XRN2: variants seen among roughly 807,000 people sequenced by gnomAD.
XRN2 encodes the protein DHM1-like protein.
In XRN2, 44 loss-of-function variants were observed where a neutral mutation model predicts 138.5. That is an observed-to-expected ratio of 0.32 (90% CI 0.25 to 0.41). The LOEUF is 0.41. Ranked by LOEUF, XRN2 falls within the 10% of genes least tolerant of loss-of-function variation. XRN2 has a pLI of 1.00. For synonymous variants in XRN2, 354 were observed against 369.4 expected (o/e 0.96, Z 0.48); for missense variants, 937 against 1,169.3 (o/e 0.80, Z 2.90).
At position 21,352,551 on chromosome 20, in the gene XRN2, G is replaced by A. The variant is rs192002519; in HGVS notation, c.1937-2238G>A. On this transcript the variant is annotated intron_variant, in intron 20 of 29. Coordinates refer to ENST00000377191, the MANE Select transcript of XRN2 (RefSeq NM_012255.5). ...TCACCATGTTGGCCAGGCTGGTCTCGAACTCCTGACCTCAGGTGATCCGCC... is the reference window on the plus strand; with the variant it reads ...TCACCATGTTGGCCAGGCTGGTCTCAAACTCCTGACCTCAGGTGATCCGCC... Among the ~76,000 whole-genome samples, 65 of 152,082 alleles carry A rather than the reference G, an allele frequency of 4.3e-4. No homozygotes were observed. The East Asian group carries it at 6.6e-3, about 15-fold the overall frequency.
intron 24 of XRN2, among the ~76,000 whole-genome samples, chr20:21,361,430 A>G (rs1390626911): frequency 3.3e-5 from 5 of 152,222 alleles, no homozygotes; most frequent in Non-Finnish European, 7.3e-5. Flanking sequence ...GAAAAAGTGG[A>G]TGAAAATACT....
intron 20 of XRN2, among the ~76,000 whole-genome samples, chr20:21,353,231 T>G (rs1402871243): frequency 4.8e-5 from 1 of 21,018 alleles, no homozygotes. Context: ...AGGATATATA[T>G]ATATATATAT....
At chr20:21,388,830 A>G (rs950126743) in intron 29 of XRN2, among the ~76,000 whole-genome samples, 3 of 152,200 alleles carry the variant, frequency 2.0e-5, no homozygotes, top group Non-Finnish European at 4.4e-5. Context: ...CCTAAAATCA[A>G]TTGCTCATTT....
chr20:21,382,827 AG>A (rs1462982694), intron 28 of XRN2, among the ~76,000 whole-genome samples: 3 of 152,238 alleles, frequency 2.0e-5, no homozygotes, highest in Non-Finnish European at 2.9e-5. Context: ...TAATTTTTAA[AG>A]GCCAGCTTTA....
chr20:21,356,507 G>C, intron 22 of XRN2, 79 bp from the exon 23 acceptor site: 1 of 1,304,814 alleles, frequency 7.7e-7, no homozygotes. Flanking sequence ...GAATGATGCT[G>C]CTATGAACAC....
intron 27 of XRN2, among the ~76,000 whole-genome samples, chr20:21,373,331 A>T (rs1343686396): frequency 6.6e-6 from 1 of 152,196 alleles, no homozygotes; most frequent in Non-Finnish European, 1.5e-5. Flanking sequence ...CATTGCTTAT[A>T]GTGTTAAATC....
intron 16 of XRN2, among the ~76,000 whole-genome samples, chr20:21,345,950 A>G (rs1024942199): frequency 2.0e-5 from 3 of 152,042 alleles, no homozygotes; most frequent in Non-Finnish European, 2.9e-5. Flanking sequence ...ATTTTTTTAC[A>G]TTTAAAAAAG....
intron 1 of XRN2, among the ~76,000 whole-genome samples, chr20:21,313,507 TCA>T (rs1291352553): frequency 1.3e-5 from 2 of 152,250 alleles, no homozygotes; most frequent in African/African-American, 2.4e-5. Flanking sequence ...TATGTATGTA[TCA>T]CAGAGGGTGG....
At chr20:21,384,342 G>A (rs1041253359) in intron 28 of XRN2, among the ~76,000 whole-genome samples, 46 of 152,054 alleles carry the variant, frequency 3.0e-4, no homozygotes, top group Non-Finnish European at 1.2e-4. Context: ...ATAAAACTCC[G>A]ATTTTACCAT....
rs2038781370 is a variant in XRN2, at chr20:21,373,122, G to A, written c.2584+4532G>A. ...CCACCTTTTAGGTTCAAGCAGTTCT[G>A]CCTCAGCCTCCTGTGTAGCTGGGAT... On this transcript the variant is annotated intron_variant, in intron 27 of 29. Transcript: ENST00000377191. Among the ~76,000 whole-genome samples the A allele has an allele frequency of 2.6e-5, 4 of 152,052 alleles. No individual in the cohort carries two copies. In the South Asian group the frequency reaches 8.3e-4, roughly 31 times the overall value.
chr20:21,349,853 A>G (rs2038484266), intron 20 of XRN2, among the ~76,000 whole-genome samples: 1 of 152,238 alleles, frequency 6.6e-6, no homozygotes, highest in Non-Finnish European at 1.5e-5. Flanking sequence ...GATTAATAGT[A>G]AATTTAATTA....
At chr20:21,387,118 T>C (rs2038944973) in intron 29 of XRN2, 112 bp downstream of exon 29, 1 of 1,412,802 alleles carries the variant, frequency 7.1e-7, no homozygotes, top group African/African-American at 1.4e-5. Flanking sequence ...TAGAGTAGCT[T>C]AGAGTAGCTT....
intron 1 of XRN2, chr20:21,303,776 G>A (rs2037773985): frequency 1.7e-6 from 2 of 1,159,154 alleles, no homozygotes; most frequent in Admixed American, 4.9e-5. Context: ...CCACTGCTTT[G>A]TTTCCTCTCC....
At chr20:21,368,857 A>G (rs959525620) in intron 27 of XRN2, among the ~76,000 whole-genome samples, 1 of 152,188 alleles carries the variant, frequency 6.6e-6, no homozygotes, top group Non-Finnish European at 1.5e-5. Flanking sequence ...AGTAATAATC[A>G]CATCAGGGTA....
intron 27 of XRN2, among the ~76,000 whole-genome samples, chr20:21,381,617 A>G (rs1172002742): frequency 6.6e-6 from 1 of 152,204 alleles, no homozygotes; most frequent in African/African-American, 2.4e-5. Context: ...TATTAATTCT[A>G]TTTATGGAAA....
chr20:21,385,060 A>T (rs1375032126), intron 28 of XRN2, among the ~76,000 whole-genome samples: 1 of 152,172 alleles, frequency 6.6e-6, no homozygotes. Flanking sequence ...CAAAAACATT[A>T]TAAGTAATCA....
intron 15 of XRN2, among the ~76,000 whole-genome samples, chr20:21,343,084 G>A (rs987886496): frequency 5.3e-5 from 8 of 151,946 alleles, no homozygotes; most frequent in African/African-American, 1.9e-4. Flanking sequence ...TTATGCTGTG[G>A]ATACTCTAAT....
intron 1 of XRN2, chr20:21,303,934 T>C (rs1412957793): frequency 1.1e-6 from 1 of 884,722 alleles, no homozygotes; most frequent in Non-Finnish European, 1.4e-6. Flanking sequence ...CGGCGACCTT[T>C]TCGTTGTTTA....
At chr20:21,305,312 C>T (rs1415172418) in intron 1 of XRN2, among the ~76,000 whole-genome samples, 2 of 152,148 alleles carry the variant, frequency 1.3e-5, no homozygotes, top group Admixed American at 6.5e-5. Context: ...GGCTGGAGTA[C>T]GGTGGCATGA....
Sources: allele counts gnomAD v4.1 joint callset (sites outside exome capture counted in the v4.1 genomes callset), GRCh38; gene constraint gnomAD v4.1.1; transcripts MANE v1.5; gene names NCBI Gene and HGNC (gene_info 2026-07-23, HGNC 2026-07-21).